The following TIGD7 variants were observed in gnomAD, a reference collection of about 807,000 sequenced individuals.
TIGD7 encodes tigger transposable element-derived protein 7.
TIGD7 carries 26 observed loss-of-function variants against 24.8 expected under a neutral mutation model. The observed-to-expected ratio is 1.05, with a 90% confidence interval of 0.77 to 1.45. TIGD7 has a LOEUF of 1.45. TIGD7 is among the 40% of genes most tolerant of loss of function. The probability of loss-of-function intolerance (pLI) is 0.00; values close to 1 mark genes in which losing one functional copy is unlikely to be tolerated. For missense variants in TIGD7, 679 were observed against 641.6 expected (o/e 1.06, Z -0.63); for synonymous variants, 221 against 224.1 (o/e 0.99, Z 0.12).
At position 3,300,778 on chromosome 16, in the gene TIGD7, G is replaced by T; in HGVS notation, c.-164C>A. 1 of 1,238,348 alleles carries T rather than the reference G, an allele frequency of 8.1e-7. No homozygotes were observed. Among genetic ancestry groups the T allele is most frequent in the South Asian group, 1.8e-5 (1 of 56,526 alleles). 76.7% of individuals were successfully genotyped at this position (1,238,348 alleles called of 1,614,324 possible). A position where few individuals can be genotyped will look rare whatever the true frequency, so the allele number is the denominator to read the frequency against. On this transcript the variant is annotated 5_prime_UTR_variant, in exon 2 of 2. Coordinates refer to ENST00000396862, the MANE Select transcript of TIGD7 (RefSeq NM_033208.4). ...TGGACTGAAGGGGCTAACCATGACT[G>T]AAGAGCTAGTCTAGAGGTGGAGGTC...
chr16:3,301,699 T>C lies in TIGD7; in HGVS notation c.-1085A>G, dbSNP rs981683314. On this transcript the variant is annotated 5_prime_UTR_variant, in exon 2 of 2. It adds an upstream start codon to the 5' untranslated region. Transcript: ENST00000396862. ...TTTACACTATAAGTAACATACTTTT[T>C]ATATTTGAGATTTTGATTTCTCTTC... is the stretch of plus-strand genomic sequence containing the variant. 2 of 166,548 alleles carry C rather than the reference T, an allele frequency of 1.2e-5. No individual in the cohort carries two copies. 10.3% of individuals were successfully genotyped at this position (166,548 alleles called of 1,614,324 possible). A position where few individuals can be genotyped will look rare whatever the true frequency, so the allele number is the denominator to read the frequency against.
intron 1 of TIGD7, 98 bp from the exon 2 acceptor site, chr16:3,302,107 A>T (rs1197203776): frequency 1.3e-5 from 2 of 152,558 alleles, no homozygotes; most frequent in Admixed American, 6.6e-5. Context: ...TGGCCCATTC[A>T]TTCCTCAACT....
rs763762443 is a variant in TIGD7 at position 3,300,264 on chromosome 16, T to C, written c.351A>G (p.Thr117=). 6 of 1,614,144 alleles carry C rather than the reference T, an allele frequency of 3.7e-6. No individual in the cohort carries two copies. The highest frequency in any genetic ancestry group is 5.1e-6 in the Non-Finnish European group (6 of 1,180,060). ...AERFARCFGR[T]DFKASTGWLF... ...GCCAACCAGTGCTAGCTTTGAAATC[T>C]GTTCGCCCAAAACACCGTGCAAATC... The change falls in exon 2 of 2, where the codon ACA becomes ACG. Residue 117 remains threonine, a synonymous_variant. Transcript: ENST00000396862.
chr16:3,301,013 T>C lies in TIGD7; in HGVS notation c.-399A>G, dbSNP rs1323516760. 2 of 180,886 alleles carry C rather than the reference T, an allele frequency of 1.1e-5. No homozygotes were observed. The highest frequency in any genetic ancestry group is 1.2e-4 in the Admixed American group (2 of 16,854). 11.2% of individuals were successfully genotyped at this position (180,886 alleles called of 1,614,324 possible). On this transcript the variant is annotated 5_prime_UTR_variant, in exon 2 of 2. Coordinates refer to ENST00000396862, the MANE Select transcript of TIGD7 (RefSeq NM_033208.4). ...TGAAGAGAGGAGGGATGGAGCAAGA[T>C]GTGCCCACAAGACAGGTGTGATAAG...
Position 3,299,794 on chromosome 16 carries a change from A to T in TIGD7, c.821T>A (p.Val274Asp), listed in dbSNP as rs1478852511. The change falls in exon 2 of 2, where the codon GTC becomes GAC. Residue 274 changes from valine to aspartate, a missense_variant. Physicochemically the swap from Val to Asp is radical, Grantham distance 152. Transcript: ENST00000396862. ...EWFFQNFVPEVRHFQLNVLRF... is the reference protein window; with the variant it reads ...EWFFQNFVPEDRHFQLNVLRF... ...TAGAACATTAAGTTGAAAATGTCGG[A>T]CCTCAGGAACAAAGTTTTGAAAAAA... The T allele has an allele frequency of 1.3e-6, 2 of 1,579,392 alleles. No individual in the cohort carries two copies. The highest frequency in any genetic ancestry group is 2.2e-5 in the East Asian group (1 of 44,692).
chr16:3,300,065 A>G lies in TIGD7; in HGVS notation c.550T>C (p.Trp184Arg), dbSNP rs369530342. The part of the protein sequence containing the change: ...LYSGDETDLF[W>R]KSMPENSQAS... ...TGAGAATTTTCTGGCATTGACTTCC[A>G]AAAGAGGTCTGTTTCATCCCCACTG... The change falls in exon 2 of 2, where the codon TGG becomes CGG. Residue 184 changes from tryptophan (W) to arginine (R), a missense_variant. By Grantham distance (101) the Trp-to-Arg change is moderately radical (BLOSUM62 -3). Transcript: ENST00000396862. 9.3e-6 allele frequency: 15 copies of G among 1,614,070 alleles called. No individual in the cohort carries two copies. Among genetic ancestry groups the G allele is most frequent in the Non-Finnish European group, 1.1e-5 (13 of 1,180,044 alleles).
Position 3,300,412 on chromosome 16 carries a change from T to C in TIGD7, c.203A>G (p.Lys68Arg), listed in dbSNP as rs907469898. Residue 68 changes from lysine (K) to arginine (R), a missense_variant, in exon 2 of 2, where the codon AAG (lysine) becomes AGG (arginine). Transcript: ENST00000396862. The part of the protein sequence containing the change: ...KQDMPLVGAE[K>R]RKRTTGAKYG... ...TTTGGCTCCCGTTGTCCTCTTTCTCTTCTCAGCCCCTACTAATGGCATGTC... is the reference window on the plus strand; with the variant it reads ...TTTGGCTCCCGTTGTCCTCTTTCTCCTCTCAGCCCCTACTAATGGCATGTC... 4 of 1,614,118 alleles carry C rather than the reference T, an allele frequency of 2.5e-6. No individual in the cohort carries two copies. In the African/African-American group the frequency reaches 4.0e-5, roughly 16 times the overall value.
chr16:3,302,075 C>T (rs1959950980), intron 1 of TIGD7, 66 bp from the exon 2 acceptor site: 3 of 154,950 alleles, frequency 1.9e-5, no homozygotes, highest in Non-Finnish European at 4.4e-5. Flanking sequence ...TATTCTTCCT[C>T]TTCTTTAGGG....
Position 3,301,209 on chromosome 16 carries a change from T to G in TIGD7, c.-595A>C, listed in dbSNP as rs551211684. 6.0e-6 allele frequency: 1 copy of G among 167,336 alleles called. No individual in the cohort carries two copies. The highest frequency in any genetic ancestry group is 2.4e-5 in the African/African-American group (1 of 41,568). The allele number at this position is 167,336 out of a possible 1,614,324, so 10.4% of individuals were successfully genotyped here. On this transcript the variant is annotated 5_prime_UTR_variant, in exon 2 of 2. Transcript: ENST00000396862. ...GGTGCTCAAATTGCTTTGTACATAG[T>G]GTTCACTGGGCAGCAGTTCATCTAC...
chr16:3,300,750 T>C lies in TIGD7; in HGVS notation c.-136A>G. 1 of 1,408,426 alleles carries C rather than the reference T, an allele frequency of 7.1e-7. No homozygotes were observed. Among genetic ancestry groups the C allele is most frequent in the South Asian group, 1.6e-5 (1 of 64,324 alleles). The allele number at this position is 1,408,426 out of a possible 1,614,324, so 87.2% of individuals were successfully genotyped here. On this transcript the variant is annotated 5_prime_UTR_variant, in exon 2 of 2. Transcript: ENST00000396862. ...AAGGCATGGGCATTGTATTGGAGGA[T>C]AATGGACTGAAGGGGCTAACCATGA... is the stretch of plus-strand genomic sequence containing the variant.
At chr16:3,304,521 T>C (rs1001874858) in intron 1 of TIGD7, among the ~76,000 whole-genome samples, 1 of 152,238 alleles carries the variant, frequency 6.6e-6, no homozygotes, top group Non-Finnish European at 1.5e-5. Context: ...CAAAGACTTC[T>C]TACTCAACTC....
Position 3,305,393 on chromosome 16 carries a change from A to T in TIGD7, c.-1577T>A, listed in dbSNP as rs1368820385. The T allele has an allele frequency of 6.6e-6, 1 of 152,346 alleles. No individual in the cohort carries two copies. Among genetic ancestry groups the T allele is most frequent in the Non-Finnish European group, 1.5e-5 (1 of 68,116 alleles). 9.4% of individuals were successfully genotyped at this position (152,346 alleles called of 1,614,324 possible). A position where few individuals can be genotyped will look rare whatever the true frequency, so the allele number is the denominator to read the frequency against. On this transcript the variant is annotated 5_prime_UTR_variant, in exon 1 of 2. Transcript: ENST00000396862. The stretch of plus-strand genomic sequence containing the variant: ...ATTAACCCTTCCCTACCGCCGGGGA[A>T]GACAGCAGTTTCTCTGGCGAGGAAG...
Position 3,300,049 on chromosome 16 carries a change from T to G in TIGD7, c.566A>C (p.Glu189Ala). The G allele has an allele frequency of 6.2e-7, 1 of 1,614,222 alleles. No homozygotes were observed. Among genetic ancestry groups the G allele is most frequent in the Non-Finnish European group, 8.5e-7 (1 of 1,180,042 alleles). The change falls in exon 2 of 2, where the codon GAA becomes GCA. Residue 189 changes from glutamate (E) to alanine (A), a missense_variant. By Grantham distance (107) the Glu-to-Ala change is moderately radical. Transcript: ENST00000396862. The stretch of plus-strand genomic sequence containing the variant: ...ATCTTTCCTACTTGCCTGAGAATTT[T>G]CTGGCATTGACTTCCAAAAGAGGTC... Reference protein sequence around the residue: ...ETDLFWKSMPENSQASRKDIC... With the variant: ...ETDLFWKSMPANSQASRKDIC...
chr16:3,300,346 T>C lies in TIGD7; in HGVS notation c.269A>G (p.Gln90Arg), dbSNP rs1432762922. 9.9e-6 allele frequency: 16 copies of C among 1,614,262 alleles called. No homozygotes were observed. The highest frequency in any genetic ancestry group is 1.4e-5 in the Non-Finnish European group (16 of 1,180,054). ...VDDAVYMWYQQKRSAGVPVRG... is the reference protein window; with the variant it reads ...VDDAVYMWYQRKRSAGVPVRG... ...TACCGGAACACCGGCTGAGCGTTTC[T>C]GTTGGTACCACATGTAGACCGCATC... Residue 90 changes from glutamine (Q) to arginine (R), a missense_variant, in exon 2 of 2, where the codon CAG becomes CGG. By Grantham distance (43) the Gln-to-Arg change is conservative (BLOSUM62 1). Coordinates refer to ENST00000396862, the MANE Select transcript of TIGD7 (RefSeq NM_033208.4).
rs1596378481 is a variant in TIGD7, at chr16:3,300,291, C to G, written c.324G>C (p.Glu108Asp). 1 of 1,614,226 alleles carries G rather than the reference C, an allele frequency of 6.2e-7. No individual in the cohort carries two copies. Residue 108 changes from glutamate to aspartate, a missense_variant, in exon 2 of 2, where the codon GAG becomes GAC. Coordinates refer to ENST00000396862, the MANE Select transcript of TIGD7 (RefSeq NM_033208.4). The stretch of plus-strand genomic sequence containing the variant: ...TTCGCCCAAAACACCGTGCAAATCT[C>G]TCTGCAGCAGCCTGAAGCTCCACGC... Reference protein sequence around the residue: ...VRGVELQAAAERFARCFGRTD... With the variant: ...VRGVELQAAADRFARCFGRTD...
chr16:3,299,890 G>C lies in TIGD7; in HGVS notation c.725C>G (p.Thr242Arg). The change falls in exon 2 of 2, where the codon ACA becomes AGA. Residue 242 changes from threonine (T) to arginine (R), a missense_variant. Thr to Arg is a moderately conservative substitution (Grantham distance 71). Transcript: ENST00000396862. ...TTTATATATCACAGGCAATGTACTTGTGTCCTCTTTCACACTTTTGGGCAG... is the reference window on the plus strand; with the variant it reads ...TTTATATATCACAGGCAATGTACTTCTGTCCTCTTTCACACTTTTGGGCAG... ...SKLPKSVKED[T>R]STLPVIYKPS... 1.9e-6 allele frequency: 3 copies of C among 1,607,754 alleles called. No individual in the cohort carries two copies. Among genetic ancestry groups the C allele is most frequent in the Non-Finnish European group, 2.5e-6 (3 of 1,176,892 alleles).
rs1436293559 is a variant in TIGD7, at chr16:3,300,486, A to G, written c.129T>C (p.Tyr43=). 2 of 1,614,084 alleles carry G rather than the reference A, an allele frequency of 1.2e-6. No individual in the cohort carries two copies. The highest frequency in any genetic ancestry group is 1.7e-6 in the Non-Finnish European group (2 of 1,180,000). ...TTAACTTCTTATTTTTTTTAATGTC[A>G]TAAAATGTTGACTTACTGATTCCAA... The part of the protein sequence containing the change: ...DEFGISKSTF[Y]DIKKNKKLIL... Residue 43 remains tyrosine (Y), a synonymous_variant, in exon 2 of 2, where the codon TAT becomes TAC. Coordinates refer to ENST00000396862, the MANE Select transcript of TIGD7 (RefSeq NM_033208.4).
chr16:3,300,239 G>C lies in TIGD7; in HGVS notation c.376C>G (p.Leu126Val), dbSNP rs1488927782. ...GCATGCCGATTTCGAAATCTAAAAA[G>C]CCAACCAGTGCTAGCTTTGAAATCT... is the stretch of plus-strand genomic sequence containing the variant. ...RTDFKASTGWLFRFRNRHAIG... is the reference protein window; with the variant it reads ...RTDFKASTGWVFRFRNRHAIG... The change falls in exon 2 of 2, where the codon CTT becomes GTT. Residue 126 changes from leucine to valine, a missense_variant. Physicochemically the swap from Leu to Val is conservative, Grantham distance 32. Transcript: ENST00000396862. The C allele has an allele frequency of 1.2e-6, 2 of 1,614,170 alleles. No homozygotes were observed. The highest frequency in any genetic ancestry group is 4.5e-5 in the East Asian group (2 of 44,876).
chr16:3,298,931 A>G lies in TIGD7; in HGVS notation c.*34T>C. 1.1e-6 allele frequency: 1 copy of G among 946,424 alleles called. No individual in the cohort carries two copies. Among genetic ancestry groups the G allele is most frequent in the South Asian group, 4.1e-5 (1 of 24,682 alleles). 58.6% of individuals were successfully genotyped at this position (946,424 alleles called of 1,614,324 possible). Reference sequence around the variant, plus strand: ...ACAAGACAATTCACAGCTGGCCTACATCATATAATGGCAGAAATCTTTAAA... The same window carrying G: ...ACAAGACAATTCACAGCTGGCCTACGTCATATAATGGCAGAAATCTTTAAA... On this transcript the variant is annotated 3_prime_UTR_variant, in exon 2 of 2. Coordinates refer to ENST00000396862, the MANE Select transcript of TIGD7 (RefSeq NM_033208.4).
Sources: gnomAD v4.1 joint callset for allele counts (sites outside exome capture counted in the v4.1 genomes callset) on GRCh38, gnomAD v4.1.1 for gene constraint, MANE v1.5 for transcripts, NCBI Gene and HGNC (gene_info 2026-07-23, HGNC 2026-07-21) for gene names.